The following TUBGCP6 variants were observed in gnomAD, a reference collection of about 807,000 sequenced individuals.
The protein encoded by TUBGCP6 is tubulin gamma complex component 6, also known as gamma-tubulin complex component 6.
TUBGCP6 carries 161 observed loss-of-function variants against 175.8 expected under a neutral mutation model. The ratio of observed to expected loss-of-function variants is 0.92; its 90% CI spans 0.81 to 1.04. The LOEUF (loss-of-function observed/expected upper bound fraction) is 1.04, where lower values mean the gene tolerates loss of function less well. Among genes scored for constraint, TUBGCP6 ranks in the 50% least tolerant of loss-of-function variants. The pLI, the probability that TUBGCP6 is intolerant of heterozygous loss-of-function variation, is 0.00. For missense variants in TUBGCP6, 2,572 were observed against 2,433.0 expected (o/e 1.06, Z -1.20); for synonymous variants, 1,173 against 1,030.5 (o/e 1.14, Z -2.65).
chr22:50,238,776 A>G (rs1264425147), intron 2 of TUBGCP6, among the ~76,000 whole-genome samples: 1 of 152,024 alleles, frequency 6.6e-6, no homozygotes, highest in Non-Finnish European at 1.5e-5. Flanking sequence ...TGACCTCGTG[A>G]TCCACCCGCC....
chr22:50,218,486 A>G lies in TUBGCP6; in HGVS notation c.4954+2T>C. 6.2e-7 allele frequency: 1 copy of G among 1,613,380 alleles called. No individual in the cohort carries two copies. The highest frequency in any genetic ancestry group is 1.7e-5 in the Admixed American group (1 of 60,018). ...GGGCGCCGGGCTCCAGCGGGGCCTC[A>G]CCTGTGCGCTTGAGGTGGAAGCAGA... On this transcript the variant is annotated splice_donor_variant, in intron 22 of 24. Coordinates refer to ENST00000248846, the MANE Select transcript of TUBGCP6 (RefSeq NM_020461.4). LOFTEE classifies it high-confidence loss of function.
chr22:50,222,572 T>C lies in TUBGCP6; in HGVS notation c.2291A>G (p.Tyr764Cys), dbSNP rs772819279. The C allele has an allele frequency of 1.9e-6, 3 of 1,612,418 alleles. No individual in the cohort carries two copies. The highest frequency in any genetic ancestry group is 2.5e-6 in the Non-Finnish European group (3 of 1,180,010). The change falls in exon 14 of 25, where the codon TAC becomes TGC. Residue 764 changes from tyrosine (Y) to cysteine (C), a missense_variant. Coordinates refer to ENST00000248846, the MANE Select transcript of TUBGCP6 (RefSeq NM_020461.4). ...RKARQALVDHYSKLSAEAARR... is the reference protein window; with the variant it reads ...RKARQALVDHCSKLSAEAARR... ...AGCTGCCTCTGCAGAGAGCTTGCTG[T>C]AGTGGTCGACCAGTGCCTGCCTGAA...
Position 50,218,020 on chromosome 22 carries a change from A to G in TUBGCP6, c.5266T>C (p.Trp1756Arg), listed in dbSNP as rs773173311. ...KFRSQLISQAWGPPGGPRGAE... is the reference protein window; with the variant it reads ...KFRSQLISQARGPPGGPRGAE... ...CCCCGCGGGCCCCCAGGGGGCCCCC[A>G]GGCCTGGGAGATGAGCTGGCTGCGG... Residue 1756 changes from tryptophan (W) to arginine (R), a missense_variant, in exon 24 of 25, where the codon TGG (tryptophan) becomes CGG (arginine). Trp to Arg is a moderately radical substitution (Grantham distance 101). Coordinates refer to ENST00000248846, the MANE Select transcript of TUBGCP6 (RefSeq NM_020461.4). 3 of 1,613,044 alleles carry G rather than the reference A, an allele frequency of 1.9e-6. No homozygotes were observed. In the African/African-American group the frequency reaches 4.0e-5, roughly 22 times the overall value.
rs201711537 is a variant in TUBGCP6, at chr22:50,218,094, G to A, written c.5192C>T (p.Ala1731Val). 3.7e-5 allele frequency: 60 copies of A among 1,612,632 alleles called. No homozygotes were observed. Among genetic ancestry groups the A allele is most frequent in the African/African-American group, 6.7e-5 (5 of 74,908 alleles). The change falls in exon 24 of 25, where the codon GCG becomes GTG. Residue 1731 changes from alanine to valine, a missense_variant. Transcript: ENST00000248846. ...GCTGTGGATGACGTTCATGACGGGCGCCGCCTTCTCCGTGAGCAGGCCCCT... is the reference window on the plus strand; with the variant it reads ...GCTGTGGATGACGTTCATGACGGGCACCGCCTTCTCCGTGAGCAGGCCCCT... The part of the protein sequence containing the change: ...VFRGLLTEKA[A>V]PVMNVIHSIF...
Position 50,218,749 on chromosome 22 carries a change from G to A in TUBGCP6, c.4775C>T (p.Ala1592Val), listed in dbSNP as rs1357354254. 1.9e-6 allele frequency: 3 copies of A among 1,613,948 alleles called. No individual in the cohort carries two copies. The highest frequency in any genetic ancestry group is 1.1e-5 in the South Asian group (1 of 91,088). The change falls in exon 21 of 25, where the codon GCC becomes GTC. Residue 1592 changes from alanine to valine, a missense_variant. Coordinates refer to ENST00000248846, the MANE Select transcript of TUBGCP6 (RefSeq NM_020461.4). ...GCTCAGCACATCCGGGGCGTTGGGG[G>A]CAAACACCTCGGGCAGGTACTTGAG... ...LALKYLPEVFAPNAPDVLSCL... is the reference protein window; with the variant it reads ...LALKYLPEVFVPNAPDVLSCL...
chr22:50,237,860 T>C (rs934290709), intron 2 of TUBGCP6, among the ~76,000 whole-genome samples: 7 of 152,166 alleles, frequency 4.6e-5, no homozygotes, highest in Non-Finnish European at 1.0e-4. Context: ...CGGTGGCTCA[T>C]GCCTGTAATC....
At chr22:50,242,052 G>C (rs1239502928) in intron 1 of TUBGCP6, among the ~76,000 whole-genome samples, 3 of 149,926 alleles carry the variant, frequency 2.0e-5, no homozygotes, top group Admixed American at 2.0e-4. Flanking sequence ...CAGCACTTTG[G>C]GAGGCCGAGG....
rs145170543 is a variant in TUBGCP6 at position 50,220,571 on chromosome 22, C to T, written c.3788G>A (p.Arg1263Gln). 5 of 1,613,488 alleles carry T rather than the reference C, an allele frequency of 3.1e-6. No homozygotes were observed. The highest frequency in any genetic ancestry group is 1.7e-5 in the Admixed American group (1 of 59,980). Residue 1263 changes from arginine to glutamine, a missense_variant, in exon 16 of 25, where the codon CGG (arginine) becomes CAG (glutamine). By Grantham distance (43) the Arg-to-Gln change is conservative. Transcript: ENST00000248846. ...GEPVSDVVST[R>Q]PRWNTHVPIP... ...GGGTACATGGGTGTTCCACCGTGGC[C>T]GGGTGGAAACCACATCCGACACAGG...
At chr22:50,232,532 C>A (rs1164183397) in intron 3 of TUBGCP6, among the ~76,000 whole-genome samples, 1 of 151,770 alleles carries the variant, frequency 6.6e-6, no homozygotes, top group Non-Finnish European at 1.5e-5. Flanking sequence ...GCACTCCAGC[C>A]TGGGCAAGAG....
At chr22:50,236,302 A>G (rs2064778153) in intron 2 of TUBGCP6, among the ~76,000 whole-genome samples, 1 of 152,030 alleles carries the variant, frequency 6.6e-6, no homozygotes, top group Non-Finnish European at 1.5e-5. Flanking sequence ...TGCCTGGCTA[A>G]TTTTTTGTAT....
At position 50,243,826 on chromosome 22, in the gene TUBGCP6, C is replaced by G; in HGVS notation, c.634G>C (p.Val212Leu). 7 of 1,613,624 alleles carry G rather than the reference C, an allele frequency of 4.3e-6. No individual in the cohort carries two copies. The highest frequency in any genetic ancestry group is 3.3e-5 in the South Asian group (3 of 91,084). ...TGCACAAGGGCCCCGAAGAGCGAGA[C>G]CCGGGTGTCTCTCTCGAACCTGTCA... is the stretch of plus-strand genomic sequence containing the variant. ...CGDRFERDTRVSLFGALVHSR... is the reference protein window; with the variant it reads ...CGDRFERDTRLSLFGALVHSR... Residue 212 changes from valine to leucine, a missense_variant, in exon 1 of 25, where the codon GTC becomes CTC. Physicochemically the swap from Val to Leu is conservative, Grantham distance 32. Transcript: ENST00000248846.
intron 5 of TUBGCP6, 42 bp downstream of exon 5, chr22:50,227,865 C>T: frequency 1.3e-6 from 2 of 1,557,952 alleles, no homozygotes; most frequent in Non-Finnish European, 8.7e-7. Context: ...CCCCACACCG[C>T]TCCCGCAAAG....
intron 6 of TUBGCP6, 32 bp downstream of exon 6, chr22:50,226,967 G>A (rs372245911): frequency 1.9e-6 from 3 of 1,604,520 alleles, no homozygotes; most frequent in Non-Finnish European, 2.6e-6. Context: ...AGCCCACCAG[G>A]CTGACACACT....
At chr22:50,222,240 C>T (rs971340505) in intron 14 of TUBGCP6, 138 bp from the exon 15 acceptor site, 17 of 1,166,912 alleles carry the variant, frequency 1.5e-5, no homozygotes, top group Middle Eastern at 2.6e-4. Flanking sequence ...TCCAGTGGGA[C>T]GCTGGGCCTG....
intron 1 of TUBGCP6, 97 bp downstream of exon 1, chr22:50,243,617 CAAAAA>C: frequency 6.0e-5 from 33 of 545,968 alleles, no homozygotes; most frequent in Middle Eastern, 4.6e-4. Flanking sequence ...GACACTGTCT[CAAAAA>C]AAAAAAAAAA....
At position 50,243,968 on chromosome 22, in the gene TUBGCP6, G is replaced by C; in HGVS notation, c.492C>G (p.Ile164Met). ...SVFEMDVQSL[I>M]SREECLCHSM... ...TGTGACACAAACACTCTTCTCTGGA[G>C]ATCAGAGACTGAACGTCCATCTCAA... Residue 164 changes from isoleucine (I) to methionine (M), a missense_variant, in exon 1 of 25, where the codon ATC becomes ATG. Ile to Met is a conservative substitution (Grantham distance 10, BLOSUM62 1). Coordinates refer to ENST00000248846, the MANE Select transcript of TUBGCP6 (RefSeq NM_020461.4). The C allele has an allele frequency of 6.2e-7, 1 of 1,614,144 alleles. No homozygotes were observed. Among genetic ancestry groups the C allele is most frequent in the Non-Finnish European group, 8.5e-7 (1 of 1,180,038 alleles).
intron 13 of TUBGCP6, chr22:50,222,968 C>G (rs1228201302): frequency 5.2e-6 from 1 of 192,062 alleles, no homozygotes; most frequent in South Asian, 1.7e-4. Flanking sequence ...GAACTGAAAA[C>G]TAATGCAAAA....
At chr22:50,241,037 T>C (rs1023416253) in intron 1 of TUBGCP6, among the ~76,000 whole-genome samples, 1 of 152,250 alleles carries the variant, frequency 6.6e-6, no homozygotes, top group African/African-American at 2.4e-5. Flanking sequence ...CGAGCTGTTC[T>C]AGTACAATAA....
Position 50,221,869 on chromosome 22 carries a change from C to G in TUBGCP6, c.2490G>C (p.Thr830=), listed in dbSNP as rs146870875. ...DVLLSVHPQV[T]SPGPEHPEGG... The stretch of plus-strand genomic sequence containing the variant: ...CCTCTGGGTGCTCAGGGCCCGGAGA[C>G]GTGACCTGAAACACAGGTGACATCA... The change falls in exon 16 of 25, where the codon ACG becomes ACC. Residue 830 remains threonine (T), a synonymous_variant. Coordinates refer to ENST00000248846, the MANE Select transcript of TUBGCP6 (RefSeq NM_020461.4). The G allele has an allele frequency of 6.4e-4, 974 of 1,514,116 alleles. 1 individual carries two copies. Among genetic ancestry groups the G allele is most frequent in the Non-Finnish European group, 8.2e-4 (932 of 1,131,514 alleles). The allele number at this position is 1,514,116 out of a possible 1,614,324, so 93.8% of individuals were successfully genotyped here.
Sources: gnomAD v4.1 joint callset for allele counts (sites outside exome capture counted in the v4.1 genomes callset) on GRCh38, gnomAD v4.1.1 for gene constraint, MANE v1.5 for transcripts, NCBI Gene and HGNC (gene_info 2026-07-23, HGNC 2026-07-21) for gene names.